Variants in CTNNA2 observed in about 807,000 individuals in gnomAD.
CTNNA2 encodes catenin alpha-2.
Under a neutral mutation model 101.0 loss-of-function variants are expected in CTNNA2, and 42 were observed. The observed-to-expected ratio is 0.42, with a 90% CI of 0.32 to 0.54. CTNNA2 has a LOEUF of 0.54. Among genes scored for constraint, CTNNA2 ranks in the 20% least tolerant of loss-of-function variants. The probability of loss-of-function intolerance (pLI) is 0.14; values close to 1 mark genes in which losing one functional copy is unlikely to be tolerated. For synonymous variants in CTNNA2, 450 were observed against 456.4 expected, an observed-to-expected ratio of 0.99 and a Z score of 0.18; for missense variants, 871 against 1,223.1, an observed-to-expected ratio of 0.71 and a Z score of 4.29.
intron 3 of CTNNA2, among the ~76,000 whole-genome samples, chr2:79,334,624 T>A (rs1424903233): frequency 6.6e-6 from 1 of 151,596 alleles, no homozygotes; most frequent in African/African-American, 2.4e-5. Flanking sequence ...AAAAAAAGGA[T>A]GGAGGGAGGG....
intron 2 of CTNNA2, among the ~76,000 whole-genome samples, chr2:79,243,771 G>T (rs868841728): frequency 6.6e-6 from 1 of 152,120 alleles, no homozygotes; most frequent in South Asian, 2.1e-4. Flanking sequence ...AAGATTAACC[G>T]AGGGAAGGGA....
At position 80,574,229 on chromosome 2, in the gene CTNNA2, C is replaced by T. The variant is rs773354348; in HGVS notation, c.1808C>T (p.Pro603Leu). 9 of 1,613,744 alleles carry T rather than the reference C, an allele frequency of 5.6e-6. No homozygotes were observed. The highest frequency in any genetic ancestry group is 6.8e-6 in the Non-Finnish European group (8 of 1,179,760). The change falls in exon 13 of 19, where the codon CCG (proline) becomes CTG (leucine). Residue 603 changes from proline to leucine, a missense_variant. Physicochemically the swap from Pro to Leu is moderately conservative, Grantham distance 98 (BLOSUM62 -3). Transcript: ENST00000402739. ...GCCCTGAGTGCCAACGTTCCTCAAC[C>T]GTTTGAGGAGAATGAGTTCATCGAT... Reference protein sequence around the residue: ...IEALSANVPQPFEENEFIDAS... With the variant: ...IEALSANVPQLFEENEFIDAS...
At chr2:80,534,529 A>G (rs1690822099) in intron 9 of CTNNA2, among the ~76,000 whole-genome samples, 1 of 152,292 alleles carries the variant, frequency 6.6e-6, no homozygotes, top group Admixed American at 6.5e-5. Context: ...GTGATCCCAG[A>G]TATGTGTGGA....
intron 7 of CTNNA2, among the ~76,000 whole-genome samples, chr2:80,124,711 T>C (rs1702022767): frequency 6.6e-6 from 1 of 152,212 alleles, no homozygotes; most frequent in Admixed American, 6.5e-5. Flanking sequence ...TACCTAAATG[T>C]ACAGCGTTGC....
chr2:80,239,563 T>C, intron 7 of CTNNA2, among the ~76,000 whole-genome samples: 1 of 152,130 alleles, frequency 6.6e-6, no homozygotes, highest in Non-Finnish European at 1.5e-5. Flanking sequence ...TATGACAAAG[T>C]TTAATTTATA....
At chr2:79,761,474 C>T (rs753994882) in intron 3 of CTNNA2, among the ~76,000 whole-genome samples, 7 of 152,088 alleles carry the variant, frequency 4.6e-5, no homozygotes, top group Non-Finnish European at 5.9e-5. Context: ...CTTGTGCTCT[C>T]GTGAATGGAG....
At chr2:80,596,503 G>T in intron 15 of CTNNA2, among the ~76,000 whole-genome samples, 1 of 150,760 alleles carries the variant, frequency 6.6e-6, no homozygotes, top group East Asian at 2.0e-4. Flanking sequence ...TAGTAGAGAC[G>T]GGGCTTCACC....
intron 9 of CTNNA2, among the ~76,000 whole-genome samples, chr2:80,420,935 A>G (rs1190702433): frequency 6.6e-6 from 1 of 152,222 alleles, no homozygotes; most frequent in Non-Finnish European, 1.5e-5. Context: ...GGGTAATACA[A>G]TATCAAAGCA....
intron 7 of CTNNA2, among the ~76,000 whole-genome samples, chr2:80,320,687 TC>T (rs1281376850): frequency 6.6e-6 from 1 of 152,248 alleles, no homozygotes; most frequent in Non-Finnish European, 1.5e-5. Flanking sequence ...TTTAGCATTA[TC>T]ATTTTTAAAG....
At chr2:79,607,821 C>G (rs1677995649) in intron 1 of CTNNA2, among the ~76,000 whole-genome samples, 3 of 152,020 alleles carry the variant, frequency 2.0e-5, no homozygotes, top group Admixed American at 6.6e-5. Context: ...AAAGAAATAT[C>G]TCAAATTAAT....
intron 3 of CTNNA2, among the ~76,000 whole-genome samples, chr2:79,364,097 A>T (rs546195359): frequency 1.3e-5 from 2 of 152,324 alleles, no homozygotes; most frequent in Non-Finnish European, 2.9e-5. Flanking sequence ...TCACAGTGTC[A>T]GGTCTTGGAG....
intron 17 of CTNNA2, among the ~76,000 whole-genome samples, chr2:80,612,475 T>G (rs944210857): frequency 1.3e-5 from 2 of 151,548 alleles, no homozygotes; most frequent in African/African-American, 4.8e-5. Context: ...TCTTATACCC[T>G]CAATAAACCT....
At chr2:80,584,926 G>C (rs1482930116) in intron 14 of CTNNA2, among the ~76,000 whole-genome samples, 1 of 152,004 alleles carries the variant, frequency 6.6e-6, no homozygotes, top group African/African-American at 2.4e-5. Context: ...TGAGTTAATG[G>C]GACAACTACC....
chr2:80,391,223 A>G (rs891609796), intron 7 of CTNNA2, among the ~76,000 whole-genome samples: 1 of 151,982 alleles, frequency 6.6e-6, no homozygotes, highest in Non-Finnish European at 1.5e-5. Context: ...TTGCATCTAA[A>G]TTATACTCCC....
chr2:80,542,175 A>G (rs2149621561), intron 9 of CTNNA2, among the ~76,000 whole-genome samples: 1 of 152,088 alleles, frequency 6.6e-6, no homozygotes, highest in South Asian at 2.1e-4. Flanking sequence ...GTATCATCAA[A>G]TGTCTAGTTA....
At chr2:79,651,845 A>G (rs958531617) in intron 2 of CTNNA2, among the ~76,000 whole-genome samples, 187 bp downstream of exon 2, 2 of 152,312 alleles carry the variant, frequency 1.3e-5, no homozygotes, top group East Asian at 1.9e-4. Flanking sequence ...TGGCTTTTAA[A>G]AACTATTTGT....
chr2:79,647,838 T>G (rs893164429), intron 1 of CTNNA2, among the ~76,000 whole-genome samples: 5 of 152,230 alleles, frequency 3.3e-5, no homozygotes, highest in Admixed American at 2.0e-4. Flanking sequence ...TAGGCTTAAC[T>G]TAGCTGTGCT....
chr2:80,620,595 T>A (rs553470409), intron 18 of CTNNA2, among the ~76,000 whole-genome samples: 1 of 151,938 alleles, frequency 6.6e-6, no homozygotes, highest in East Asian at 1.9e-4. Context: ...GACAGTCCCC[T>A]GCAGGCAACT....
chr2:80,079,206 T>A (rs1167433542), intron 7 of CTNNA2, among the ~76,000 whole-genome samples: 1 of 152,134 alleles, frequency 6.6e-6, no homozygotes, highest in East Asian at 1.9e-4. Context: ...GAGGACACTT[T>A]GAAATAAAAA....
Sources: allele counts gnomAD v4.1 joint callset (sites outside exome capture counted in the v4.1 genomes callset), GRCh38; gene constraint gnomAD v4.1.1; transcripts MANE v1.5; gene names NCBI Gene and HGNC (gene_info 2026-07-23, HGNC 2026-07-21).